The following TRPM1 variants were observed in gnomAD, a reference collection of about 807,000 sequenced individuals.
The protein encoded by TRPM1 is TRPM1-203 APA Isoform, Intron 10.
TRPM1 carries 113 observed loss-of-function variants against 149.4 expected under a neutral mutation model. The observed-to-expected ratio is 0.76, with a 90% confidence interval of 0.65 to 0.88. TRPM1 has a LOEUF of 0.88. TRPM1 is among the 40% of genes least tolerant of loss of function. The probability of loss-of-function intolerance (pLI) is 0.00; values close to 1 mark genes in which losing one functional copy is unlikely to be tolerated. For synonymous variants in TRPM1, 741 were observed against 759.5 expected (o/e 0.98, Z 0.40); for missense variants, 1,976 against 2,038.7 (o/e 0.97, Z 0.59).
At chr15:31,115,504 A>G (rs2035786695) in intron 1 of TRPM1, among the ~76,000 whole-genome samples, 1 of 152,138 alleles carries the variant, frequency 6.6e-6, no homozygotes, top group Non-Finnish European at 1.5e-5. Context: ...AGAGCCAGAA[A>G]TGGGTAGGAC....
At chr15:31,110,402 G>A (rs755076068) in intron 1 of TRPM1, among the ~76,000 whole-genome samples, 4 of 152,138 alleles carry the variant, frequency 2.6e-5, no homozygotes, top group Non-Finnish European at 5.9e-5. Flanking sequence ...TTTGATTACC[G>A]TAAACTCTGC....
At chr15:31,140,813 CTTTGTTTGTTTG>C (rs200139571) in intron 1 of TRPM1, among the ~76,000 whole-genome samples, 7 of 151,790 alleles carry the variant, frequency 4.6e-5, no homozygotes, top group Admixed American at 2.0e-4. Flanking sequence ...ATTTTATAAT[CTTTGTTTGTTTG>C]TTTGTTTGTT....
chr15:31,042,022 C>T lies in TRPM1; in HGVS notation c.2016G>A (p.Lys672=). The part of the protein sequence containing the change: ...AKALVACKLY[K]AMAHESSESD... ...TCTCGGAGGACTCGTGGGCCATGGCCTTGTAGAGCTTGCAGGCCACCAGGG... is the reference window on the plus strand; with the variant it reads ...TCTCGGAGGACTCGTGGGCCATGGCTTTGTAGAGCTTGCAGGCCACCAGGG... Residue 672 remains lysine, a synonymous_variant, in exon 17 of 28, where the codon AAG becomes AAA. Transcript: ENST00000256552. 5 of 1,614,200 alleles carry T rather than the reference C, an allele frequency of 3.1e-6. No homozygotes were observed. The highest frequency in any genetic ancestry group is 4.2e-6 in the Non-Finnish European group (5 of 1,180,026).
intron 1 of TRPM1, among the ~76,000 whole-genome samples, chr15:31,082,265 C>T (rs181382883): frequency 4.9e-4 from 74 of 152,246 alleles, no homozygotes; most frequent in Admixed American, 1.7e-3. Context: ...GCCTCTGTGC[C>T]GGATGATAGG....
rs760769421 is a variant in TRPM1 at position 31,002,654 on chromosome 15, G to GA, written c.4045dup (p.Ser1349PhefsTer19). ...GGTTGCTGATGTGCTTGTGCCCAGT[G>GA]AAAGGTGAAGACTGTTCTGACATTC... On this transcript the variant is annotated frameshift_variant, in exon 28 of 28. Transcript: ENST00000256552. LOFTEE classifies it low-confidence loss of function (END_TRUNC). 3 of 1,614,198 alleles carry GA rather than the reference G, an allele frequency of 1.9e-6. No individual in the cohort carries two copies. Among genetic ancestry groups the GA allele is most frequent in the Non-Finnish European group, 2.5e-6 (3 of 1,180,044 alleles).
chr15:31,026,258 GCTAAGGAAGAGCT>G lies in TRPM1; in HGVS notation c.3497_3509del (p.Lys1166ThrfsTer5), dbSNP rs2032745517. 1 of 1,610,864 alleles carries G rather than the reference GCTAAGGAAGAGCT, an allele frequency of 6.2e-7. No individual in the cohort carries two copies. Among genetic ancestry groups the G allele is most frequent in the African/African-American group, 1.3e-5 (1 of 74,932 alleles). ...CATGCAGCCTCTTTAGCTCCTCGTC[GCTAAGGAAGAGCT>G]CTGTGTGAAGGGAGAAGTGTCGGCC... On this transcript the variant is annotated frameshift_variant and splice_region_variant, in exon 27 of 28. Coordinates refer to ENST00000256552, the MANE Select transcript of TRPM1 (RefSeq NM_001252024.2). LOFTEE classifies it high-confidence loss of function.
chr15:31,072,481 ATATT>A (rs1209712645), intron 3 of TRPM1, among the ~76,000 whole-genome samples: 7 of 152,150 alleles, frequency 4.6e-5, no homozygotes, highest in Non-Finnish European at 1.0e-4. Context: ...GCTGCTATGA[ATATT>A]TATGTAACAA....
In TRPM1 at chr15:31,016,524, G is replaced by A. The variant is rs538715815; in HGVS notation, c.3629+9615C>T. Reference sequence around the variant, plus strand: ...ACATTATGGTAGCACTGACTTCACAGAAAAAAATTCCACTTATGAATACTT... The same window carrying A: ...ACATTATGGTAGCACTGACTTCACAAAAAAAAATTCCACTTATGAATACTT... On this transcript the variant is annotated intron_variant, in intron 27 of 27. Transcript: ENST00000256552. Among the ~76,000 whole-genome samples the A allele has an allele frequency of 2.0e-5, 3 of 152,140 alleles. No homozygotes were observed. In the South Asian group the frequency reaches 6.2e-4, roughly 32 times the overall value.
intron 27 of TRPM1, among the ~76,000 whole-genome samples, chr15:31,022,817 C>A (rs545123935): frequency 6.6e-6 from 1 of 152,162 alleles, no homozygotes; most frequent in African/African-American, 2.4e-5. Flanking sequence ...GAGTTTGAGA[C>A]CTGCCTGGGC....
chr15:31,061,832 A>G (rs2034242266), intron 9 of TRPM1, among the ~76,000 whole-genome samples: 2 of 151,874 alleles, frequency 1.3e-5, no homozygotes, highest in South Asian at 4.2e-4. Flanking sequence ...TTACAGGTGC[A>G]CGCCACCATG....
intron 1 of TRPM1, among the ~76,000 whole-genome samples, chr15:31,091,407 A>C (rs1165403924): frequency 6.6e-6 from 1 of 152,244 alleles, no homozygotes; most frequent in Non-Finnish European, 1.5e-5. Flanking sequence ...ACCAGCGTGC[A>C]CATGTTAAGT....
chr15:31,149,582 C>T (rs916008468), intron 1 of TRPM1, among the ~76,000 whole-genome samples: 11 of 148,580 alleles, frequency 7.4e-5, no homozygotes, highest in South Asian at 4.2e-4. Flanking sequence ...TGCAGTGGCG[C>T]GATCTTGGCT....
Position 31,040,228 on chromosome 15 carries a change from G to A in TRPM1, c.2206C>T (p.Leu736=). Reference sequence around the variant, plus strand: ...TCCCGGTGTTTGGCTGCCACGGCCAGTTTGAGGCAGGTCGAGTTGCTCCAG... The same window carrying A: ...TCCCGGTGTTTGGCTGCCACGGCCAATTTGAGGCAGGTCGAGTTGCTCCAG... ...KNWSNSTCLK[L]AVAAKHRDFI... is the part of the protein sequence containing the mutation. The change falls in exon 18 of 28, where the codon CTG becomes TTG. Residue 736 remains leucine (L), a synonymous_variant. Coordinates refer to ENST00000256552, the MANE Select transcript of TRPM1 (RefSeq NM_001252024.2). The surrounding 1 kb of genome is among the most constrained non-coding windows in gnomAD (Gnocchi z 4.2). 2 of 1,614,240 alleles carry A rather than the reference G, an allele frequency of 1.2e-6. No individual in the cohort carries two copies. The highest frequency in any genetic ancestry group is 1.7e-6 in the Non-Finnish European group (2 of 1,180,044).
chr15:31,089,917 G>C (rs2035182497), intron 1 of TRPM1, among the ~76,000 whole-genome samples: 1 of 152,202 alleles, frequency 6.6e-6, no homozygotes, highest in Non-Finnish European at 1.5e-5. Context: ...TCCTGGGTTG[G>C]CCGGGAGCAC....
intron 1 of TRPM1, among the ~76,000 whole-genome samples, chr15:31,146,323 C>G (rs914168634): frequency 3.5e-4 from 53 of 152,324 alleles, no homozygotes; most frequent in Non-Finnish European, 4.6e-4. Context: ...TCTGGTCACT[C>G]TCTCACCTAG....
intron 1 of TRPM1, among the ~76,000 whole-genome samples, chr15:31,087,338 G>C (rs59335451): frequency 0.15 from 20,280 of 138,456 alleles, 1,607 homozygotes; most frequent in African/African-American, 0.23. Context: ...TCCGCCTCCC[G>C]GGTTCACGCC....
At chr15:31,081,273 T>C in intron 2 of TRPM1, 80 bp downstream of exon 2, 1 of 630,506 alleles carries the variant, frequency 1.6e-6, no homozygotes, top group Admixed American at 2.6e-5. Flanking sequence ...CTTTTCCTAA[T>C]AAAAACGCTA....
intron 3 of TRPM1, among the ~76,000 whole-genome samples, chr15:31,070,682 G>A (rs1343383703): frequency 6.6e-6 from 1 of 152,000 alleles, no homozygotes; most frequent in South Asian, 2.1e-4. Flanking sequence ...AGCCTCCCTA[G>A]TAACTGGGAC....
At chr15:31,030,942 A>T (rs1158224276) in intron 23 of TRPM1, 41 bp downstream of exon 23, 4 of 1,611,636 alleles carry the variant, frequency 2.5e-6, no homozygotes, top group Non-Finnish European at 3.4e-6. Context: ...CATCTGCCTC[A>T]GAAGCAGGGA....
Sources: allele counts gnomAD v4.1 joint callset (sites outside exome capture counted in the v4.1 genomes callset), GRCh38; gene constraint gnomAD v4.1.1; non-coding constraint Gnocchi (gnomAD v3.1); transcripts MANE v1.5; gene names NCBI Gene and HGNC (gene_info 2026-07-23, HGNC 2026-07-21).